Variants in ZNF618 observed in about 807,000 individuals in gnomAD.
The protein encoded by ZNF618 is neural precursor cell expressed, developmentally down-regulated 10.
Under a neutral mutation model 103.0 loss-of-function variants are expected in ZNF618, and 34 were observed. The ratio of observed to expected loss-of-function variants is 0.33; its 90% confidence interval spans 0.25 to 0.44. ZNF618 has a LOEUF of 0.44. ZNF618 is among the 20% of genes least tolerant of loss of function. The pLI is 1.00. For synonymous variants in ZNF618, 551 were observed against 542.2 expected, an observed-to-expected ratio of 1.02 and a Z score of -0.23; for missense variants, 1,059 against 1,295.4, an observed-to-expected ratio of 0.82 and a Z score of 2.80.
chr9:114,002,559 C>T (rs1039033914), intron 5 of ZNF618, 65 bp from the exon 6 acceptor site: 5 of 774,218 alleles, frequency 6.5e-6, no homozygotes, highest in African/African-American at 4.9e-5. Context: ...CTCTTTTGCA[C>T]TTGGCACTGG....
At chr9:113,919,758 G>T (rs1588042063) in intron 1 of ZNF618, among the ~76,000 whole-genome samples, 1 of 152,246 alleles carries the variant, frequency 6.6e-6, no homozygotes, top group East Asian at 1.9e-4. Context: ...TGGGAAGTGG[G>T]CCAGGCAAGG....
At chr9:113,888,706 A>G (rs893809418) in intron 1 of ZNF618, among the ~76,000 whole-genome samples, 4 of 152,158 alleles carry the variant, frequency 2.6e-5, no homozygotes, top group Non-Finnish European at 5.9e-5. Context: ...ATAGCCCTGG[A>G]CGCTTTCCAG....
chr9:113,900,167 C>A (rs545479946), intron 1 of ZNF618, among the ~76,000 whole-genome samples: 1 of 152,116 alleles, frequency 6.6e-6, no homozygotes, highest in African/African-American at 2.4e-5. Context: ...AAGTGATTCT[C>A]GTGCCTCAGC....
chr9:114,048,079 C>A, intron 14 of ZNF618, 85 bp downstream of exon 14: 1 of 1,195,542 alleles, frequency 8.4e-7, no homozygotes, highest in Non-Finnish European at 1.2e-6. Flanking sequence ...ACCATTTGTG[C>A]TTCCTGTGAT....
intron 1 of ZNF618, among the ~76,000 whole-genome samples, chr9:113,924,710 T>C (rs1255127530): frequency 6.6e-6 from 1 of 151,982 alleles, no homozygotes; most frequent in Non-Finnish European, 1.5e-5. Flanking sequence ...CCATAAATGT[T>C]GATAATTGTA....
Position 113,997,082 on chromosome 9 carries a change from T to A in ZNF618, c.338-1177T>A, listed in dbSNP as rs1840687663. Among the ~76,000 whole-genome samples the A allele has an allele frequency of 2.0e-5, 3 of 151,872 alleles. No individual in the cohort carries two copies. The South Asian group carries it at 6.2e-4, about 31-fold the overall frequency. On this transcript the variant is annotated intron_variant, in intron 3 of 14. Coordinates refer to ENST00000374126, the MANE Select transcript of ZNF618 (RefSeq NM_001318042.2). ...TTTCTTTTTTTTTTCTTCTTCTTCCTCTTCTTTCTTCTTCTTCTTTTTTCT... is the reference window on the plus strand; with the variant it reads ...TTTCTTTTTTTTTTCTTCTTCTTCCACTTCTTTCTTCTTCTTCTTTTTTCT...
At position 113,986,269 on chromosome 9, in the gene ZNF618, A is replaced by G. The variant is rs1052977357; in HGVS notation, c.78-2052A>G. Among the ~76,000 whole-genome samples the G allele has an allele frequency of 2.0e-5, 3 of 152,320 alleles. No homozygotes were observed. The East Asian group carries it at 5.8e-4, about 29-fold the overall frequency. Reference sequence around the variant, plus strand: ...AGGTTAGGTGGCTGGCTTGAGGCCCACAGCGAGGAAGTGGTTGGCGCGATA... The same window carrying G: ...AGGTTAGGTGGCTGGCTTGAGGCCCGCAGCGAGGAAGTGGTTGGCGCGATA... On this transcript the variant is annotated intron_variant, in intron 2 of 14. Coordinates refer to ENST00000374126, the MANE Select transcript of ZNF618 (RefSeq NM_001318042.2).
chr9:113,881,066 T>C (rs1006005092), intron 1 of ZNF618, among the ~76,000 whole-genome samples: 5 of 152,162 alleles, frequency 3.3e-5, no homozygotes, highest in East Asian at 1.9e-4. Context: ...GAAGGACATA[T>C]GGAAAGGCAG....
chr9:113,938,120 T>A (rs1315003379), intron 1 of ZNF618, among the ~76,000 whole-genome samples: 1 of 151,782 alleles, frequency 6.6e-6, no homozygotes, highest in African/African-American at 2.4e-5. Flanking sequence ...TGCAGGAATG[T>A]GTCTCTTTAG....
intron 4 of ZNF618, 52 bp downstream of exon 4, chr9:113,998,406 GCACAGCTGGA>G: frequency 6.8e-7 from 1 of 1,481,222 alleles, no homozygotes; most frequent in Non-Finnish European, 9.2e-7. Flanking sequence ...ATGGGTGGGG[GCACAGCTGGA>G]CACAGCCATC....
Position 113,972,773 on chromosome 9 carries a change from A to G in ZNF618, c.77+3613A>G, listed in dbSNP as rs1372480279. On this transcript the variant is annotated intron_variant, in intron 2 of 14. Transcript: ENST00000374126. ...AGTGAATTATATGTTAAACGTCAAG[A>G]GAATGTTGTTGGGCCCAGTGCGGTG... 1.3e-5 allele frequency among the ~76,000 whole-genome samples: 2 copies of G among 152,166 alleles called. 1 individual carries two copies. Among genetic ancestry groups the G allele is most frequent in the East Asian group, 3.9e-4 (2 of 5,190 alleles).
intron 1 of ZNF618, among the ~76,000 whole-genome samples, chr9:113,888,591 C>G (rs573068470): frequency 3.0e-4 from 46 of 152,392 alleles, no homozygotes; most frequent in Admixed American, 8.5e-4. Flanking sequence ...CAGTCAGGGC[C>G]TGCAGCATCG....
chr9:114,012,544 G>A (rs570232185), intron 9 of ZNF618, among the ~76,000 whole-genome samples: 9 of 152,152 alleles, frequency 5.9e-5, no homozygotes, highest in African/African-American at 2.2e-4. Flanking sequence ...TCAGTCCATA[G>A]CATGACCCCT....
chr9:113,917,995 C>G (rs1832279856), intron 1 of ZNF618, among the ~76,000 whole-genome samples: 1 of 152,114 alleles, frequency 6.6e-6, no homozygotes, highest in Non-Finnish European at 1.5e-5. Context: ...TTTTTCTGGC[C>G]TAGGAGCCGA....
chr9:113,930,449 G>A (rs577215282), intron 1 of ZNF618, among the ~76,000 whole-genome samples: 3 of 152,044 alleles, frequency 2.0e-5, no homozygotes, highest in Non-Finnish European at 2.9e-5. Flanking sequence ...TTTAGGGGGC[G>A]CCTATTTTTT....
chr9:113,982,918 C>T (rs1055100157), intron 2 of ZNF618, among the ~76,000 whole-genome samples: 6 of 152,168 alleles, frequency 3.9e-5, no homozygotes, highest in South Asian at 4.1e-4. Context: ...AATTAGTAAC[C>T]GGTGACCACG....
chr9:113,942,372 G>C (rs909715816), intron 1 of ZNF618, among the ~76,000 whole-genome samples: 1 of 151,786 alleles, frequency 6.6e-6, no homozygotes, highest in Non-Finnish European at 1.5e-5. Context: ...GGTCTTTCTG[G>C]TGAGTGTGAC....
At chr9:113,983,727 T>C (rs1342099986) in intron 2 of ZNF618, among the ~76,000 whole-genome samples, 1 of 152,114 alleles carries the variant, frequency 6.6e-6, no homozygotes, top group Non-Finnish European at 1.5e-5. Context: ...ACTCTGGTGG[T>C]TCAGTGGAAA....
chr9:113,979,434 T>C (rs965852224), intron 2 of ZNF618, among the ~76,000 whole-genome samples: 1 of 152,238 alleles, frequency 6.6e-6, no homozygotes, highest in Non-Finnish European at 1.5e-5. Flanking sequence ...GATAAAGATA[T>C]AACTTTGACA....
Sources: allele counts gnomAD v4.1 joint callset (sites outside exome capture counted in the v4.1 genomes callset), GRCh38; gene constraint gnomAD v4.1.1; transcripts MANE v1.5; gene names NCBI Gene and HGNC (gene_info 2026-07-23, HGNC 2026-07-21).